MMP26: variants seen among roughly 807,000 people sequenced by gnomAD.
MMP26 encodes matrix metalloproteinase-26.
A neutral mutation model predicts 31.0 loss-of-function variants in MMP26; 33 were observed. That is an observed-to-expected ratio of 1.06 (90% CI 0.81 to 1.42). The LOEUF is 1.42. Ranked by LOEUF, MMP26 falls within the 40% of genes most tolerant of loss-of-function variation. MMP26 has a pLI of 0.00. For missense variants in MMP26, 347 were observed against 316.1 expected (o/e 1.10, Z -0.74); for synonymous variants, 122 against 114.9 (o/e 1.06, Z -0.40).
chr11:4,743,216 C>T (rs1476595540), intron 1 of MMP26, among the ~76,000 whole-genome samples: 1 of 152,146 alleles, frequency 6.6e-6, no homozygotes, highest in Non-Finnish European at 1.5e-5. Flanking sequence ...TCTTCATAGT[C>T]ATATAAATGC....
At chr11:4,860,107 C>G (rs768719150) in intron 2 of MMP26, 1 of 470,944 alleles carries the variant, frequency 2.1e-6, no homozygotes. Context: ...ACAGACTGCC[C>G]GGGTGAGGAC....
At chr11:4,981,472 T>C (rs144608010) in intron 2 of MMP26, among the ~76,000 whole-genome samples, 2 of 152,078 alleles carry the variant, frequency 1.3e-5, no homozygotes, top group Non-Finnish European at 2.9e-5. Flanking sequence ...ACATAAATAA[T>C]GTATGGTAAA....
At chr11:4,940,913 T>C (rs1027008256) in intron 2 of MMP26, among the ~76,000 whole-genome samples, 3 of 152,188 alleles carry the variant, frequency 2.0e-5, no homozygotes, top group African/African-American at 7.2e-5. Context: ...TAATAGTGCA[T>C]ACTAATTTCC....
chr11:4,861,374 G>A (rs956710031), intron 2 of MMP26, among the ~76,000 whole-genome samples: 4 of 150,490 alleles, frequency 2.7e-5, no homozygotes, highest in African/African-American at 9.7e-5. Flanking sequence ...GATAGGATAG[G>A]TACTCTATAT....
intron 2 of MMP26, among the ~76,000 whole-genome samples, chr11:4,802,153 A>G (rs1201542460): frequency 6.6e-6 from 1 of 152,232 alleles, no homozygotes; most frequent in Non-Finnish European, 1.5e-5. Flanking sequence ...TACAATCATG[A>G]TAGAGTAATA....
At chr11:4,838,917 C>T (rs907385289) in intron 2 of MMP26, among the ~76,000 whole-genome samples, 9 of 152,116 alleles carry the variant, frequency 5.9e-5, no homozygotes, top group South Asian at 2.1e-4. Flanking sequence ...TACCTTGAAT[C>T]GCCGATGCCG....
At chr11:4,882,397 C>T (rs1850484064) in intron 2 of MMP26, 3 of 1,613,902 alleles carry the variant, frequency 1.9e-6, no homozygotes, top group Non-Finnish European at 2.5e-6. Flanking sequence ...TAGCCATAAA[C>T]ACTGTGTCTT....
chr11:4,844,745 A>G (rs919877239), intron 2 of MMP26, among the ~76,000 whole-genome samples: 1 of 152,154 alleles, frequency 6.6e-6, no homozygotes, highest in Admixed American at 6.5e-5. Context: ...AAATGGGTAT[A>G]GAAGGAACAT....
chr11:4,785,148 A>G (rs1452287288), intron 2 of MMP26, among the ~76,000 whole-genome samples: 1 of 152,132 alleles, frequency 6.6e-6, no homozygotes, highest in Non-Finnish European at 1.5e-5. Flanking sequence ...AAGATAACCA[A>G]CCATCCCAGT....
At chr11:4,964,444 A>T (rs1174961548) in intron 2 of MMP26, among the ~76,000 whole-genome samples, 1 of 151,994 alleles carries the variant, frequency 6.6e-6, no homozygotes, top group East Asian at 1.9e-4. Context: ...TTATTTCTGG[A>T]CTGTCTATTC....
intron 2 of MMP26, among the ~76,000 whole-genome samples, chr11:4,930,418 T>C (rs534969346): frequency 2.6e-5 from 4 of 152,086 alleles, no homozygotes; most frequent in Non-Finnish European, 4.4e-5. Flanking sequence ...AGTAATAGTG[T>C]CAGTGCTTAC....
At chr11:4,952,219 A>G (rs1846381084) in intron 2 of MMP26, among the ~76,000 whole-genome samples, 1 of 124,338 alleles carries the variant, frequency 8.0e-6, no homozygotes, top group African/African-American at 2.7e-5. Flanking sequence ...ACTGCCCAAA[A>G]CCCCAAAAAT....
chr11:4,935,050 G>T (rs1851413715), intron 2 of MMP26, among the ~76,000 whole-genome samples: 1 of 151,764 alleles, frequency 6.6e-6, no homozygotes, highest in East Asian at 1.9e-4. Flanking sequence ...GATTGACTTG[G>T]CAATGTGGGC....
At chr11:4,916,496 G>T (rs566033519) in intron 2 of MMP26, among the ~76,000 whole-genome samples, 1 of 150,370 alleles carries the variant, frequency 6.7e-6, no homozygotes, top group Non-Finnish European at 1.5e-5. Flanking sequence ...TTATCTTACT[G>T]TGCTTTCTTT....
intron 2 of MMP26, among the ~76,000 whole-genome samples, chr11:4,816,805 G>A (rs1007333618): frequency 2.1e-5 from 3 of 143,558 alleles, no homozygotes; most frequent in East Asian, 2.1e-4. Context: ...ATGGGTTCAC[G>A]CCGTTCTCCT....
chr11:4,766,639 G>T (rs1384786121), intron 1 of MMP26, among the ~76,000 whole-genome samples: 1 of 149,882 alleles, frequency 6.7e-6, no homozygotes, highest in African/African-American at 2.5e-5. Flanking sequence ...TGTAACAAAT[G>T]GGCTGTTTGG....
intron 1 of MMP26, chr11:4,723,977 C>G: frequency 1.4e-6 from 1 of 739,530 alleles, no homozygotes; most frequent in Middle Eastern, 3.3e-4. Context: ...TTGACTGTGT[C>G]AGTGGTGATG....
chr11:4,923,532 G>A, intron 2 of MMP26: 1 of 1,614,164 alleles, frequency 6.2e-7, no homozygotes, highest in Non-Finnish European at 8.5e-7. Context: ...ACGCGGGGCA[G>A]ATGTTCACCA....
At chr11:4,749,353 T>C (rs1848419377) in intron 1 of MMP26, among the ~76,000 whole-genome samples, 1 of 151,900 alleles carries the variant, frequency 6.6e-6, no homozygotes, top group African/African-American at 2.4e-5. Context: ...AAAATGACCA[T>C]ACTGCCAAAG....
Sources: allele counts gnomAD v4.1 joint callset (sites outside exome capture counted in the v4.1 genomes callset), GRCh38; gene constraint gnomAD v4.1.1; transcripts MANE v1.5; gene names NCBI Gene and HGNC (gene_info 2026-07-23, HGNC 2026-07-21).